The following MACROH2A2 variants were observed in gnomAD, a reference collection of about 807,000 sequenced individuals.
The protein encoded by MACROH2A2 is macroH2A.2 histone, also known as core histone macro-H2A.2.
Under a neutral mutation model 37.6 loss-of-function variants are expected in MACROH2A2, and 6 were observed. The observed-to-expected ratio is 0.16, with a 90% CI of 0.09 to 0.32. The LOEUF is 0.32. Among genes scored for constraint, MACROH2A2 ranks in the 10% least tolerant of loss-of-function variants. The pLI, the probability that MACROH2A2 is intolerant of heterozygous loss-of-function variation, is 1.00. For missense variants in MACROH2A2, 290 were observed against 485.9 expected, an observed-to-expected ratio of 0.60 and a Z score of 3.79; for synonymous variants, 192 against 202.7, an observed-to-expected ratio of 0.95 and a Z score of 0.45.
chr10:70,060,648 C>T (rs12573524), intron 1 of MACROH2A2, among the ~76,000 whole-genome samples: 24,103 of 152,188 alleles, frequency 0.16, 1,997 homozygotes, highest in Middle Eastern at 0.24. Flanking sequence ...CACACCTCTA[C>T]TCCCATTTGG....
intron 6 of MACROH2A2, among the ~76,000 whole-genome samples, chr10:70,097,559 A>C (rs1203118286): frequency 6.6e-6 from 1 of 152,232 alleles, no homozygotes; most frequent in Admixed American, 6.5e-5. Flanking sequence ...AAAAAATAAC[A>C]GAAAAGTATA....
At chr10:70,084,983 G>A (rs1230380278) in intron 2 of MACROH2A2, among the ~76,000 whole-genome samples, 1 of 152,106 alleles carries the variant, frequency 6.6e-6, no homozygotes, top group Non-Finnish European at 1.5e-5. Context: ...AACTAGGGAC[G>A]GGGAAACCAT....
chr10:70,072,577 T>C (rs2072116790), intron 1 of MACROH2A2, among the ~76,000 whole-genome samples: 1 of 152,222 alleles, frequency 6.6e-6, no homozygotes. Context: ...TGTGCTAGAC[T>C]TTTATATGAC....
At chr10:70,077,456 C>T (rs551349090) in intron 2 of MACROH2A2, among the ~76,000 whole-genome samples, 1 of 152,136 alleles carries the variant, frequency 6.6e-6, no homozygotes, top group South Asian at 2.1e-4. Context: ...GATTACAGGC[C>T]GGTAATCCCA....
rs2071993821 is a variant in MACROH2A2 at position 70,053,930 on chromosome 10, G to A, written c.-60+930G>A. On this transcript the variant is annotated intron_variant, in intron 1 of 8. Transcript: ENST00000373255. The surrounding 1 kb of genome is among the most constrained non-coding windows in gnomAD (Gnocchi z 4.8). ...GGACGCCGTGCGTATCGCTCGCGGGGCGCGGCGGTTGGGGACCAGCCCTGC... is the reference window on the plus strand; with the variant it reads ...GGACGCCGTGCGTATCGCTCGCGGGACGCGGCGGTTGGGGACCAGCCCTGC... 6.6e-6 allele frequency among the ~76,000 whole-genome samples: 1 copy of A among 152,244 alleles called. No individual in the cohort carries two copies. The highest frequency in any genetic ancestry group is 2.1e-4 in the South Asian group (1 of 4,838).
At chr10:70,101,424 C>T (rs1167776941) in intron 7 of MACROH2A2, among the ~76,000 whole-genome samples, 1 of 152,168 alleles carries the variant, frequency 6.6e-6, no homozygotes, top group Non-Finnish European at 1.5e-5. Context: ...TGGATTCTAT[C>T]CAAGCCACGA....
At chr10:70,061,671 G>A (rs2072050754) in intron 1 of MACROH2A2, among the ~76,000 whole-genome samples, 1 of 151,792 alleles carries the variant, frequency 6.6e-6, no homozygotes, top group Non-Finnish European at 1.5e-5. Flanking sequence ...GAATGTGCCG[G>A]CAGTTGAACT....
intron 1 of MACROH2A2, among the ~76,000 whole-genome samples, chr10:70,066,038 G>A (rs1394948086): frequency 6.6e-6 from 1 of 152,216 alleles, no homozygotes; most frequent in Non-Finnish European, 1.5e-5. Flanking sequence ...AGATGTGGTG[G>A]CTTATGCCTT....
Position 70,111,759 on chromosome 10 carries a change from G to A in MACROH2A2, c.*76G>A. On this transcript the variant is annotated 3_prime_UTR_variant, in exon 9 of 9. Coordinates refer to ENST00000373255, the MANE Select transcript of MACROH2A2 (RefSeq NM_018649.3). ...GGGTTTTGCTTTTTAAAAGGAGAGA[G>A]GAGGGGTGATGGCAGGGGAGTGGAG... 7.5e-7 allele frequency: 1 copy of A among 1,336,736 alleles called. No individual in the cohort carries two copies. The highest frequency in any genetic ancestry group is 1.0e-6 in the Non-Finnish European group (1 of 999,240). The allele number at this position is 1,336,736 out of a possible 1,614,324, so 82.8% of individuals were successfully genotyped here.
chr10:70,088,301 T>G lies in MACROH2A2; in HGVS notation c.173-1759T>G, dbSNP rs1205162255. Among the ~76,000 whole-genome samples the G allele has an allele frequency of 3.3e-5, 5 of 151,748 alleles. No individual in the cohort carries two copies. In the East Asian group the frequency reaches 9.7e-4, roughly 29 times the overall value. ...CACGCACACGCACACATGCACACTTTCCCCCCTCATTATCAGTGAGACAAC... is the reference window on the plus strand; with the variant it reads ...CACGCACACGCACACATGCACACTTGCCCCCCTCATTATCAGTGAGACAAC... On this transcript the variant is annotated intron_variant, in intron 2 of 8. Transcript: ENST00000373255.
rs181387849 is a variant in MACROH2A2, at chr10:70,108,565, A to G, written c.779-468A>G. On this transcript the variant is annotated intron_variant, in intron 7 of 8. Coordinates refer to ENST00000373255, the MANE Select transcript of MACROH2A2 (RefSeq NM_018649.3). ...TATCAGGTCCCAGGCTCACCCAGAC[A>G]GTCCAGGATCATCTCCCCATCTCAA... Among the ~76,000 whole-genome samples, 424 of 152,320 alleles carry G rather than the reference A, an allele frequency of 2.8e-3. 4 individuals carry two copies. Among genetic ancestry groups the G allele is most frequent in the African/African-American group, 9.5e-3 (396 of 41,566 alleles).
intron 1 of MACROH2A2, among the ~76,000 whole-genome samples, chr10:70,067,583 A>G (rs2072086313): frequency 6.6e-6 from 1 of 152,244 alleles, no homozygotes; most frequent in Non-Finnish European, 1.5e-5. Flanking sequence ...AACTTTCAAA[A>G]TAAATCTAGA....
chr10:70,058,785 A>C (rs2072032471), intron 1 of MACROH2A2, among the ~76,000 whole-genome samples: 1 of 152,096 alleles, frequency 6.6e-6, no homozygotes, highest in Non-Finnish European at 1.5e-5. Flanking sequence ...ATGCAACATA[A>C]ACTTTTAGGT....
intron 2 of MACROH2A2, among the ~76,000 whole-genome samples, chr10:70,084,581 G>A (rs1354731269): frequency 1.3e-5 from 2 of 152,134 alleles, no homozygotes; most frequent in Non-Finnish European, 2.9e-5. Flanking sequence ...ATATAAAAAA[G>A]TGTCTTGAGG....
intron 1 of MACROH2A2, among the ~76,000 whole-genome samples, chr10:70,055,230 G>A (rs982500081): frequency 4.6e-5 from 7 of 152,284 alleles, no homozygotes; most frequent in Non-Finnish European, 8.8e-5. Context: ...ACTTGTTACC[G>A]GGGAGGGATG....
intron 7 of MACROH2A2, among the ~76,000 whole-genome samples, chr10:70,106,968 G>C (rs2072341784): frequency 6.6e-6 from 1 of 152,206 alleles, no homozygotes; most frequent in South Asian, 2.1e-4. Flanking sequence ...CACCATGCAG[G>C]CAAGGCCCAT....
chr10:70,064,142 G>T (rs1364681763), intron 1 of MACROH2A2, among the ~76,000 whole-genome samples: 1 of 152,204 alleles, frequency 6.6e-6, no homozygotes, highest in Non-Finnish European at 1.5e-5. Context: ...GCCGAGGCAG[G>T]CAGATCACCT....
chr10:70,092,008 T>C, intron 4 of MACROH2A2, 54 bp downstream of exon 4: 1 of 1,380,688 alleles, frequency 7.2e-7, no homozygotes, highest in East Asian at 2.3e-5. Flanking sequence ...ATGGTCTGAA[T>C]GTCTGTGTTC....
chr10:70,097,958 G>C (rs1318773664), intron 6 of MACROH2A2, among the ~76,000 whole-genome samples: 1 of 151,988 alleles, frequency 6.6e-6, no homozygotes, highest in Non-Finnish European at 1.5e-5. Context: ...TAAAAAAGGG[G>C]GGCCCGAGTA....
Sources: gnomAD v4.1 joint callset for allele counts (sites outside exome capture counted in the v4.1 genomes callset) on GRCh38, gnomAD v4.1.1 for gene constraint, Gnocchi (gnomAD v3.1) non-coding constraint, MANE v1.5 for transcripts, NCBI Gene and HGNC (gene_info 2026-07-23, HGNC 2026-07-21) for gene names.